Variants in TNIK observed in about 807,000 individuals in gnomAD.
The protein encoded by TNIK is TRAF2 and NCK-interacting protein kinase.
Under a neutral mutation model 191.3 loss-of-function variants are expected in TNIK, and 49 were observed. The ratio of observed to expected loss-of-function variants is 0.26; its 90% confidence interval spans 0.20 to 0.32. TNIK has a LOEUF of 0.32. Among genes scored for constraint, TNIK ranks in the 10% least tolerant of loss-of-function variants. The pLI, the probability that TNIK is intolerant of heterozygous loss-of-function variation, is 1.00. For synonymous variants in TNIK, 594 were observed against 600.9 expected, an observed-to-expected ratio of 0.99 and a Z score of 0.17; for missense variants, 1,155 against 1,702.3, an observed-to-expected ratio of 0.68 and a Z score of 5.66.
chr3:171,180,431 T>C (rs893782459), intron 7 of TNIK, among the ~76,000 whole-genome samples: 8 of 152,230 alleles, frequency 5.3e-5, no homozygotes, highest in Non-Finnish European at 1.2e-4. Flanking sequence ...TGTTGATTGC[T>C]TGTGCCCTTT....
In TNIK at chr3:171,157,431, G is replaced by A. The variant is rs373676297; in HGVS notation, c.1221+29C>T. Reference sequence around the variant, plus strand: ...GAGTGACCACAACTGAGAGGCTTGGGGTCAGAGGTGGCCCGAGCAGGTCCT... The same window carrying A: ...GAGTGACCACAACTGAGAGGCTTGGAGTCAGAGGTGGCCCGAGCAGGTCCT... On this transcript the variant is annotated intron_variant, in intron 12 of 32. Coordinates refer to ENST00000436636, the MANE Select transcript of TNIK (RefSeq NM_015028.4). The A allele has an allele frequency of 1.8e-5, 28 of 1,550,070 alleles. No homozygotes were observed. In the African/African-American group the frequency reaches 3.6e-4, roughly 20 times the overall value.
At chr3:171,314,370 T>C (rs1409964923) in intron 2 of TNIK, among the ~76,000 whole-genome samples, 1 of 152,130 alleles carries the variant, frequency 6.6e-6, no homozygotes, top group Admixed American at 6.6e-5. Context: ...AGGACAGCCT[T>C]GAAAATATGA....
chr3:171,365,161 C>CT lies in TNIK; in HGVS notation c.123+4458dup, dbSNP rs60887361. Reference sequence around the variant, plus strand: ...AAGGACTACACAAAAGGACTACATTCTTTTTTTTTTTTTTTTTTTTTTTTT... The same window carrying CT: ...AAGGACTACACAAAAGGACTACATTCTTTTTTTTTTTTTTTTTTTTTTTTTT... On this transcript the variant is annotated intron_variant, in intron 2 of 32. Coordinates refer to ENST00000436636, the MANE Select transcript of TNIK (RefSeq NM_015028.4). Among the ~76,000 whole-genome samples, 70 of 31,936 alleles carry CT rather than the reference C, an allele frequency of 2.2e-3. 18 individuals carry two copies. The highest frequency in any genetic ancestry group is 4.4e-3 in the African/African-American group (49 of 11,180). 21.0% of individuals were successfully genotyped at this position (31,936 alleles called of 152,430 possible). A position where few individuals can be genotyped will look rare whatever the true frequency, so the allele number is the denominator to read the frequency against.
intron 23 of TNIK, among the ~76,000 whole-genome samples, chr3:171,091,221 A>G (rs1231129209): frequency 1.3e-5 from 2 of 152,190 alleles, no homozygotes; most frequent in Non-Finnish European, 2.9e-5. Flanking sequence ...TCCAAGTGGG[A>G]TGGGCATCAT....
chr3:171,136,149 A>G (rs1396865261), intron 15 of TNIK, among the ~76,000 whole-genome samples: 2 of 152,236 alleles, frequency 1.3e-5, no homozygotes, highest in African/African-American at 4.8e-5. Flanking sequence ...TTTGCACAAC[A>G]TAATGATCTT....
At chr3:171,359,764 C>T (rs1238290982) in intron 2 of TNIK, among the ~76,000 whole-genome samples, 3 of 152,196 alleles carry the variant, frequency 2.0e-5, no homozygotes, top group Non-Finnish European at 4.4e-5. Flanking sequence ...CTCAATACCA[C>T]AGTTAATTGG....
At chr3:171,372,378 T>G (rs1716623714) in intron 1 of TNIK, among the ~76,000 whole-genome samples, 1 of 152,218 alleles carries the variant, frequency 6.6e-6, no homozygotes, top group Admixed American at 6.5e-5. Context: ...TCAGATGGGT[T>G]CCCCAGGAAT....
chr3:171,452,000 A>G (rs1485754098), intron 1 of TNIK, among the ~76,000 whole-genome samples: 3 of 152,226 alleles, frequency 2.0e-5, no homozygotes, highest in South Asian at 2.1e-4. Flanking sequence ...AAAGTCTACA[A>G]ATTTCCTACT....
intron 7 of TNIK, among the ~76,000 whole-genome samples, chr3:171,186,755 C>T (rs902892079): frequency 6.6e-6 from 1 of 152,154 alleles, no homozygotes; most frequent in Non-Finnish European, 1.5e-5. Context: ...GTGAGCCTTC[C>T]AGTACCTCTG....
chr3:171,096,662 G>A (rs1398366929), intron 22 of TNIK, among the ~76,000 whole-genome samples: 1 of 151,910 alleles, frequency 6.6e-6, no homozygotes, highest in Non-Finnish European at 1.5e-5. Flanking sequence ...TCACTGGAAT[G>A]GTTTAGGTGG....
chr3:171,346,346 T>A (rs549398737), intron 2 of TNIK, among the ~76,000 whole-genome samples: 1 of 152,310 alleles, frequency 6.6e-6, no homozygotes, highest in South Asian at 2.1e-4. Flanking sequence ...CTATTAAAGA[T>A]ATGGTCCATA....
chr3:171,449,999 G>A (rs1727981530), intron 1 of TNIK, among the ~76,000 whole-genome samples: 1 of 151,820 alleles, frequency 6.6e-6, no homozygotes, highest in Admixed American at 6.6e-5. Context: ...CGGTGCCACT[G>A]CACTCCAGCC....
At chr3:171,450,559 G>A (rs1728046833) in intron 1 of TNIK, among the ~76,000 whole-genome samples, 1 of 152,144 alleles carries the variant, frequency 6.6e-6, no homozygotes, top group South Asian at 2.1e-4. Flanking sequence ...GAGGTAAATT[G>A]GATCACCAAT....
At chr3:171,322,403 C>T (rs1022190918) in intron 2 of TNIK, among the ~76,000 whole-genome samples, 1 of 152,082 alleles carries the variant, frequency 6.6e-6, no homozygotes, top group South Asian at 2.1e-4. Context: ...ATCTCCCCTG[C>T]TTCAAAAATG....
intron 21 of TNIK, among the ~76,000 whole-genome samples, chr3:171,105,359 A>T (rs1724626239): frequency 6.6e-6 from 1 of 152,210 alleles, no homozygotes; most frequent in Non-Finnish European, 1.5e-5. Context: ...TATCCACAAG[A>T]TGCCAGTACC....
chr3:171,308,568 A>G lies in TNIK; in HGVS notation c.123+61052T>C, dbSNP rs572380007. Among the ~76,000 whole-genome samples, 4 of 152,340 alleles carry G rather than the reference A, an allele frequency of 2.6e-5. No homozygotes were observed. In the South Asian group the frequency reaches 8.3e-4, roughly 32 times the overall value. On this transcript the variant is annotated intron_variant, in intron 2 of 32. Coordinates refer to ENST00000436636, the MANE Select transcript of TNIK (RefSeq NM_015028.4). Reference sequence around the variant, plus strand: ...AACCAAAAATTAACAAATAGGACCTAATTAAATCAAAGAGCTTCTGCACAG... The same window carrying G: ...AACCAAAAATTAACAAATAGGACCTGATTAAATCAAAGAGCTTCTGCACAG...
At chr3:171,279,717 T>C (rs969867808) in intron 2 of TNIK, among the ~76,000 whole-genome samples, 13 of 152,340 alleles carry the variant, frequency 8.5e-5, no homozygotes, top group African/African-American at 2.9e-4. Context: ...AATGCCTTTG[T>C]TCTAAGCATT....
At chr3:171,127,070 C>A (rs1201495138) in intron 16 of TNIK, among the ~76,000 whole-genome samples, 1 of 152,220 alleles carries the variant, frequency 6.6e-6, no homozygotes, top group Non-Finnish European at 1.5e-5. Context: ...TCGTCATATC[C>A]CCTAGGCTAG....
intron 2 of TNIK, among the ~76,000 whole-genome samples, chr3:171,364,866 G>A (rs1413244647): frequency 6.6e-6 from 1 of 151,988 alleles, no homozygotes; most frequent in East Asian, 1.9e-4. Context: ...TAAGTAGAGG[G>A]AACTATGACT....
Sources: gnomAD v4.1 joint callset for allele counts (sites outside exome capture counted in the v4.1 genomes callset) on GRCh38, gnomAD v4.1.1 for gene constraint, MANE v1.5 for transcripts, NCBI Gene and HGNC (gene_info 2026-07-23, HGNC 2026-07-21) for gene names.